The following ARHGAP15 variants were observed in gnomAD, a reference collection of about 807,000 sequenced individuals.
ARHGAP15 encodes the protein rho GTPase-activating protein 15.
In ARHGAP15, 51 loss-of-function variants were observed where a neutral mutation model predicts 63.7. The observed-to-expected ratio is 0.80, with a 90% CI of 0.64 to 1.01. ARHGAP15 has a LOEUF of 1.01. ARHGAP15 is among the 50% of genes least tolerant of loss of function. The pLI is 0.00. For synonymous variants in ARHGAP15, 191 were observed against 193.8 expected, an observed-to-expected ratio of 0.99 and a Z score of 0.12; for missense variants, 560 against 564.6, an observed-to-expected ratio of 0.99 and a Z score of 0.08.
intron 5 of ARHGAP15, among the ~76,000 whole-genome samples, chr2:143,249,113 A>T (rs1680000209): frequency 6.6e-6 from 1 of 150,516 alleles, no homozygotes; most frequent in Admixed American, 6.6e-5. Flanking sequence ...TGGGTGAAAC[A>T]ATAAAAACTT....
intron 2 of ARHGAP15, among the ~76,000 whole-genome samples, chr2:143,186,420 T>C (rs1254926336): frequency 1.3e-5 from 2 of 152,222 alleles, no homozygotes; most frequent in African/African-American, 2.4e-5. Context: ...AATTCGTTTA[T>C]ATTAAACATG....
At chr2:143,290,302 T>C (rs1011592408) in intron 6 of ARHGAP15, among the ~76,000 whole-genome samples, 19 of 151,732 alleles carry the variant, frequency 1.3e-4, no homozygotes, top group Non-Finnish European at 2.1e-4. Flanking sequence ...CACATTAAAG[T>C]AGGAAACACA....
intron 8 of ARHGAP15, among the ~76,000 whole-genome samples, chr2:143,481,620 G>A (rs58288460): frequency 0.074 from 11,237 of 152,074 alleles, 628 homozygotes; most frequent in East Asian, 0.22. Context: ...GTAGATATTC[G>A]TCGTCCATCC....
At chr2:143,599,836 C>T (rs757750892) in intron 11 of ARHGAP15, among the ~76,000 whole-genome samples, 7 of 152,078 alleles carry the variant, frequency 4.6e-5, no homozygotes, top group Non-Finnish European at 1.0e-4. Context: ...GTGTATCTGC[C>T]TCCATGAGTT....
intron 12 of ARHGAP15, among the ~76,000 whole-genome samples, chr2:143,679,134 C>A (rs1682970441): frequency 2.4e-5 from 1 of 42,056 alleles, no homozygotes; most frequent in African/African-American, 3.5e-5. Flanking sequence ...CCAGTATCCA[C>A]AAAGGCTAAA....
intron 6 of ARHGAP15, among the ~76,000 whole-genome samples, chr2:143,433,261 T>C (rs1689467532): frequency 6.6e-6 from 1 of 152,070 alleles, no homozygotes; most frequent in Non-Finnish European, 1.5e-5. Flanking sequence ...TGTGAGTGAC[T>C]GGAATAGAGC....
chr2:143,646,479 T>G (rs1032746948), intron 12 of ARHGAP15, among the ~76,000 whole-genome samples: 2 of 151,854 alleles, frequency 1.3e-5, no homozygotes, highest in African/African-American at 4.8e-5. Context: ...TACACCAGGG[T>G]GGTCTGTGAG....
At chr2:143,168,657 T>C (rs1384028645) in intron 2 of ARHGAP15, among the ~76,000 whole-genome samples, 1 of 152,090 alleles carries the variant, frequency 6.6e-6, no homozygotes, top group African/African-American at 2.4e-5. Flanking sequence ...TCTGAAAACT[T>C]GAAGAGACGC....
At chr2:143,399,890 A>G (rs1184591466) in intron 6 of ARHGAP15, among the ~76,000 whole-genome samples, 1 of 152,048 alleles carries the variant, frequency 6.6e-6, no homozygotes, top group Non-Finnish European at 1.5e-5. Flanking sequence ...TGTGATGTTG[A>G]AATGTGATTA....
At chr2:143,401,761 A>G (rs960623065) in intron 6 of ARHGAP15, among the ~76,000 whole-genome samples, 4 of 151,980 alleles carry the variant, frequency 2.6e-5, no homozygotes, top group African/African-American at 9.7e-5. Context: ...GACAGTGATG[A>G]TATACAATAT....
intron 13 of ARHGAP15, among the ~76,000 whole-genome samples, chr2:143,705,714 G>C (rs1684297819): frequency 6.6e-6 from 1 of 152,066 alleles, no homozygotes; most frequent in Non-Finnish European, 1.5e-5. Flanking sequence ...CCGTTACTCT[G>C]TCCCAATTAT....
At chr2:143,239,850 G>T (rs1045495193) in intron 5 of ARHGAP15, among the ~76,000 whole-genome samples, 7 of 151,920 alleles carry the variant, frequency 4.6e-5, no homozygotes, top group Admixed American at 3.9e-4. Flanking sequence ...AATTAGTTGG[G>T]TGTGGTGGTG....
intron 9 of ARHGAP15, among the ~76,000 whole-genome samples, chr2:143,518,004 T>C (rs1693894705): frequency 1.3e-5 from 2 of 152,104 alleles, no homozygotes; most frequent in African/African-American, 4.8e-5. Flanking sequence ...TCATTCTGAG[T>C]GAAATGGGAA....
chr2:143,681,666 G>T lies in ARHGAP15; in HGVS notation c.1139-21753G>T, dbSNP rs562015357. On this transcript the variant is annotated intron_variant, in intron 12 of 13. Transcript: ENST00000295095. ...ATATAGTTCTTCCTTTTATCCAACC[G>T]TATGTTCCTATTTTTGTTCAGACAA... Among the ~76,000 whole-genome samples, 3 of 152,172 alleles carry T rather than the reference G, an allele frequency of 2.0e-5. No individual in the cohort carries two copies. In the South Asian group the frequency reaches 6.2e-4, roughly 32 times the overall value.
chr2:143,767,945 C>G, intron 13 of ARHGAP15, 44 bp from the exon 14 acceptor site: 1 of 1,583,274 alleles, frequency 6.3e-7, no homozygotes, highest in South Asian at 1.1e-5. Context: ...CATAACTTCA[C>G]TTCAAACTCC....
intron 6 of ARHGAP15, among the ~76,000 whole-genome samples, chr2:143,301,737 A>G (rs1226914857): frequency 1.3e-5 from 2 of 151,860 alleles, no homozygotes; most frequent in African/African-American, 4.8e-5. Flanking sequence ...ATATATGTGT[A>G]TAATACATCT....
chr2:143,419,544 G>A (rs1304981480), intron 6 of ARHGAP15, among the ~76,000 whole-genome samples: 1 of 151,694 alleles, frequency 6.6e-6, no homozygotes, highest in African/African-American at 2.4e-5. Context: ...TCATTAAACA[G>A]ATGCTTTCAA....
At chr2:143,727,059 C>T (rs554979499) in intron 13 of ARHGAP15, among the ~76,000 whole-genome samples, 4 of 152,284 alleles carry the variant, frequency 2.6e-5, no homozygotes, top group Non-Finnish European at 5.9e-5. Context: ...AGCCTTTCCA[C>T]TCGGCTTGCT....
At chr2:143,455,714 C>G (rs1222308368) in intron 8 of ARHGAP15, among the ~76,000 whole-genome samples, 3 of 152,074 alleles carry the variant, frequency 2.0e-5, no homozygotes, top group Non-Finnish European at 2.9e-5. Context: ...ACATGTCTAG[C>G]TCATATTGAA....
Sources: gnomAD v4.1 joint callset for allele counts (sites outside exome capture counted in the v4.1 genomes callset) on GRCh38, gnomAD v4.1.1 for gene constraint, MANE v1.5 for transcripts, NCBI Gene and HGNC (gene_info 2026-07-23, HGNC 2026-07-21) for gene names.